Variants in SNTG1 observed in about 807,000 individuals in gnomAD.
The protein encoded by SNTG1 is syntrophin gamma 1.
Under a neutral mutation model 74.7 loss-of-function variants are expected in SNTG1, and 39 were observed. That is an observed-to-expected ratio of 0.52 (90% CI 0.40 to 0.68). The LOEUF (loss-of-function observed/expected upper bound fraction) is 0.68. Ranked by LOEUF, SNTG1 falls within the 30% of genes least tolerant of loss-of-function variation. The pLI is 0.00. For missense variants in SNTG1, 685 were observed against 609.5 expected (o/e 1.12, Z -1.30); for synonymous variants, 254 against 217.1 (o/e 1.17, Z -1.49).
intron 2 of SNTG1, among the ~76,000 whole-genome samples, chr8:50,181,143 T>C (rs2083192210): frequency 6.6e-6 from 1 of 152,164 alleles, no homozygotes; most frequent in South Asian, 2.1e-4. Context: ...CACAGCCCTG[T>C]CTGAACTGTG....
intron 1 of SNTG1, among the ~76,000 whole-genome samples, chr8:49,961,084 C>A (rs1259428000): frequency 6.6e-6 from 1 of 152,110 alleles, no homozygotes; most frequent in Non-Finnish European, 1.5e-5. Flanking sequence ...AACATATGGA[C>A]AGTTGTCAGT....
At chr8:50,313,312 A>C (rs2090186867) in intron 2 of SNTG1, among the ~76,000 whole-genome samples, 1 of 149,838 alleles carries the variant, frequency 6.7e-6, no homozygotes, top group Non-Finnish European at 1.5e-5. Context: ...AAAATACACA[A>C]ATGGGGTTTC....
intron 1 of SNTG1, among the ~76,000 whole-genome samples, chr8:50,023,408 T>A (rs1816993589): frequency 6.6e-6 from 1 of 152,146 alleles, no homozygotes; most frequent in African/African-American, 2.4e-5. Context: ...GGCAGATTTA[T>A]AAATTTAAAA....
chr8:49,917,052 T>A (rs931833663), intron 1 of SNTG1, among the ~76,000 whole-genome samples: 8 of 151,812 alleles, frequency 5.3e-5, no homozygotes, highest in Admixed American at 2.6e-4. Context: ...TAAATTTTAT[T>A]TGAATCTTTT....
At chr8:50,276,221 T>C (rs1289793077) in intron 2 of SNTG1, among the ~76,000 whole-genome samples, 1 of 152,080 alleles carries the variant, frequency 6.6e-6, no homozygotes, top group Non-Finnish European at 1.5e-5. Context: ...AACAGTTCAG[T>C]GAGTCATTGC....
intron 18 of SNTG1, among the ~76,000 whole-genome samples, chr8:50,783,638 C>G (rs2095666546): frequency 6.6e-6 from 1 of 152,188 alleles, no homozygotes. Flanking sequence ...CTCCCTGACC[C>G]CTTGCACTTC....
At chr8:50,340,423 A>T (rs1445883450) in intron 2 of SNTG1, among the ~76,000 whole-genome samples, 2 of 152,046 alleles carry the variant, frequency 1.3e-5, no homozygotes, top group East Asian at 3.8e-4. Context: ...AGCCCTGCAC[A>T]AATGTAGTCA....
At chr8:49,926,673 T>C (rs1305564957) in intron 1 of SNTG1, among the ~76,000 whole-genome samples, 1 of 152,088 alleles carries the variant, frequency 6.6e-6, no homozygotes, top group East Asian at 1.9e-4. Flanking sequence ...TAGATGACCT[T>C]TGGTATGGCA....
intron 2 of SNTG1, among the ~76,000 whole-genome samples, chr8:50,220,974 C>T (rs1477481452): frequency 6.6e-6 from 1 of 152,184 alleles, no homozygotes; most frequent in Non-Finnish European, 1.5e-5. Flanking sequence ...GCAGATAGAA[C>T]ACTGCACTAA....
rs7008693 is a variant in SNTG1 at position 50,720,844 on chromosome 8, C to A, written c.1284+11866C>A. On this transcript the variant is annotated intron_variant, in intron 17 of 18. Transcript: ENST00000642720. ...AGAATAAGTTATAAGCTACATAAAT[C>A]GTTCTTTCAAATGTTGTTGTTTTTG... is the stretch of plus-strand genomic sequence containing the variant. 3.2e-3 allele frequency among the ~76,000 whole-genome samples: 481 copies of A among 152,174 alleles called. 4 individuals carry two copies. Among genetic ancestry groups the A allele is most frequent in the African/African-American group, 0.011 (463 of 41,502 alleles).
intron 13 of SNTG1, among the ~76,000 whole-genome samples, chr8:50,625,663 T>C (rs561894007): frequency 2.6e-5 from 4 of 152,320 alleles, no homozygotes; most frequent in African/African-American, 4.8e-5. Context: ...ATGAATACTT[T>C]AAATACTCTT....
intron 1 of SNTG1, among the ~76,000 whole-genome samples, chr8:50,017,859 A>G (rs1816472573): frequency 6.6e-6 from 1 of 152,034 alleles, no homozygotes; most frequent in South Asian, 2.1e-4. Flanking sequence ...TAAAACATCT[A>G]CGCAGAAGAT....
At chr8:50,600,427 T>G (rs957082689) in intron 13 of SNTG1, among the ~76,000 whole-genome samples, 5 of 152,132 alleles carry the variant, frequency 3.3e-5, no homozygotes, top group Non-Finnish European at 7.4e-5. Flanking sequence ...GGTCCTCAGA[T>G]TTTCTTTACT....
intron 1 of SNTG1, among the ~76,000 whole-genome samples, chr8:50,080,910 G>C (rs187218832): frequency 6.6e-6 from 1 of 151,906 alleles, no homozygotes; most frequent in Non-Finnish European, 1.5e-5. Context: ...AATTATAATT[G>C]CTTATTCTAA....
At chr8:50,550,864 A>G (rs1293751072) in intron 11 of SNTG1, among the ~76,000 whole-genome samples, 1 of 152,168 alleles carries the variant, frequency 6.6e-6, no homozygotes, top group East Asian at 1.9e-4. Context: ...TACATTTTCT[A>G]AAAGCTACAA....
intron 17 of SNTG1, among the ~76,000 whole-genome samples, chr8:50,713,566 A>C (rs1247603106): frequency 6.6e-6 from 1 of 152,118 alleles, no homozygotes; most frequent in Non-Finnish European, 1.5e-5. Context: ...TTTAGTCATG[A>C]AGTCTTTGCC....
chr8:50,503,150 T>C (rs1450073495), intron 9 of SNTG1, among the ~76,000 whole-genome samples: 1 of 152,204 alleles, frequency 6.6e-6, no homozygotes, highest in Admixed American at 6.5e-5. Flanking sequence ...ATATCATGTA[T>C]GCATTATGCA....
chr8:50,262,001 C>T (rs984518109), intron 2 of SNTG1, among the ~76,000 whole-genome samples: 21 of 152,068 alleles, frequency 1.4e-4, no homozygotes, highest in Non-Finnish European at 2.9e-5. Flanking sequence ...TCCCTAACCC[C>T]AGTGTATGTG....
chr8:50,502,673 G>C (rs1037926101), intron 8 of SNTG1, 105 bp from the exon 9 acceptor site: 17 of 862,148 alleles, frequency 2.0e-5, no homozygotes, highest in Non-Finnish European at 3.0e-5. Flanking sequence ...CTGAATACTA[G>C]GGAAAAATGG....
Sources: allele counts gnomAD v4.1 joint callset (sites outside exome capture counted in the v4.1 genomes callset), GRCh38; gene constraint gnomAD v4.1.1; transcripts MANE v1.5; gene names NCBI Gene and HGNC (gene_info 2026-07-23, HGNC 2026-07-21).